The following B3GALT1 variants were observed in gnomAD, a reference collection of about 807,000 sequenced individuals.
The protein encoded by B3GALT1 is UDP-Gal:betaGlcNAc beta 1,3-galactosyltransferase, polypeptide 1.
B3GALT1 carries 10 observed loss-of-function variants against 23.2 expected under a neutral mutation model. That is an observed-to-expected ratio of 0.43 (90% CI 0.27 to 0.73). The LOEUF (loss-of-function observed/expected upper bound fraction) is 0.73. Among genes scored for constraint, B3GALT1 ranks in the 30% least tolerant of loss-of-function variants. The pLI is 0.21. For missense variants in B3GALT1, 299 were observed against 405.4 expected, an observed-to-expected ratio of 0.74 and a Z score of 2.25; for synonymous variants, 156 against 141.5, an observed-to-expected ratio of 1.10 and a Z score of -0.73.
chr2:167,813,154 A>G (rs1251192069), intron 3 of B3GALT1, among the ~76,000 whole-genome samples: 3 of 152,180 alleles, frequency 2.0e-5, no homozygotes, highest in African/African-American at 7.2e-5. Context: ...AGTTTTTTTG[A>G]ATGAAGCAAT....
intron 3 of B3GALT1, among the ~76,000 whole-genome samples, chr2:167,703,992 T>A (rs555661281): frequency 6.6e-6 from 1 of 151,872 alleles, no homozygotes; most frequent in East Asian, 1.9e-4. Flanking sequence ...CCTTCCTGGC[T>A]AACACGGTGA....
chr2:167,519,142 T>A (rs531698028), intron 2 of B3GALT1, among the ~76,000 whole-genome samples: 12 of 152,234 alleles, frequency 7.9e-5, no homozygotes, highest in African/African-American at 2.9e-4. Flanking sequence ...TTTTATATGA[T>A]GTTACATATA....
chr2:167,432,284 G>T (rs935707357), intron 1 of B3GALT1, among the ~76,000 whole-genome samples: 1 of 152,186 alleles, frequency 6.6e-6, no homozygotes, highest in South Asian at 2.1e-4. Flanking sequence ...ACCAATGGCT[G>T]TTGATCTGTA....
chr2:167,361,899 C>A (rs760141840), intron 1 of B3GALT1, among the ~76,000 whole-genome samples: 17 of 151,992 alleles, frequency 1.1e-4, no homozygotes, highest in Non-Finnish European at 1.2e-4. Context: ...CATGATGAAA[C>A]CCCATCTCTC....
chr2:167,357,687 G>T (rs1697437481), intron 1 of B3GALT1, among the ~76,000 whole-genome samples: 1 of 152,106 alleles, frequency 6.6e-6, no homozygotes, highest in South Asian at 2.1e-4. Flanking sequence ...ACACTGGCTG[G>T]TACAATATTG....
In B3GALT1 at chr2:167,871,126, GAGGA is replaced by G. The variant is rs1209942172; in HGVS notation, c.*1111_*1114del. 6.6e-6 allele frequency: 1 copy of G among 152,164 alleles called. No individual in the cohort carries two copies. The highest frequency in any genetic ancestry group is 1.5e-5 in the Non-Finnish European group (1 of 68,022). 9.4% of individuals were successfully genotyped at this position (152,164 alleles called of 1,614,324 possible). A position where few individuals can be genotyped will look rare whatever the true frequency, so the allele number is the denominator to read the frequency against. ...GAGGTATTCTGGGGGCTCTGTGATT[GAGGA>G]AGGATGGGGAAGGCCAGGTTCGGGT... On this transcript the variant is annotated 3_prime_UTR_variant, in exon 5 of 5. Coordinates refer to ENST00000392690, the MANE Select transcript of B3GALT1 (RefSeq NM_020981.4).
At chr2:167,554,618 G>T (rs1351365124) in intron 2 of B3GALT1, among the ~76,000 whole-genome samples, 1 of 152,090 alleles carries the variant, frequency 6.6e-6, no homozygotes, top group Non-Finnish European at 1.5e-5. Flanking sequence ...TATGCAATAA[G>T]AGTAAAGACT....
At chr2:167,516,230 C>CA (rs1375432216) in intron 2 of B3GALT1, among the ~76,000 whole-genome samples, 1 of 152,014 alleles carries the variant, frequency 6.6e-6, no homozygotes, top group Non-Finnish European at 1.5e-5. Flanking sequence ...TGCTTTCTAT[C>CA]AGGCCCTTGT....
chr2:167,295,768 C>T (rs905336598), intron 1 of B3GALT1, among the ~76,000 whole-genome samples: 2 of 143,338 alleles, frequency 1.4e-5, no homozygotes, highest in Admixed American at 7.0e-5. Context: ...TGTGTGTGTA[C>T]GTGTGTGTGT....
chr2:167,483,827 T>C (rs1699589551), intron 1 of B3GALT1, among the ~76,000 whole-genome samples: 1 of 152,212 alleles, frequency 6.6e-6, no homozygotes, highest in Admixed American at 6.5e-5. Context: ...ATACCTGGTG[T>C]TCTTTTGGTT....
In B3GALT1 at chr2:167,817,081, T is replaced by C. The variant is rs936977423; in HGVS notation, c.-351-1591T>C. 1.3e-5 allele frequency among the ~76,000 whole-genome samples: 2 copies of C among 152,186 alleles called. 1 individual carries two copies. The highest frequency in any genetic ancestry group is 6.3e-3 in the Middle Eastern group (2 of 316). On this transcript the variant is annotated intron_variant, in intron 3 of 4. Transcript: ENST00000392690. ...CGTGCTCTCCTTTAAAGTTCTGAAA[T>C]TTGTCTTCAATTGAACAAATGACAA...
At chr2:167,467,685 CA>C (rs931221661) in intron 1 of B3GALT1, among the ~76,000 whole-genome samples, 8 of 152,062 alleles carry the variant, frequency 5.3e-5, no homozygotes, top group Non-Finnish European at 1.2e-4. Context: ...TTTTGTTTGT[CA>C]AAAATACTTG....
intron 2 of B3GALT1, among the ~76,000 whole-genome samples, chr2:167,534,740 G>A (rs1359808070): frequency 6.6e-6 from 1 of 152,094 alleles, no homozygotes; most frequent in Non-Finnish European, 1.5e-5. Context: ...TTTATATGAG[G>A]GGAGGGCACA....
chr2:167,701,205 GTGTC>G (rs1305701303), intron 3 of B3GALT1, among the ~76,000 whole-genome samples: 2 of 152,132 alleles, frequency 1.3e-5, no homozygotes, highest in Non-Finnish European at 2.9e-5. Flanking sequence ...AAATGCAGAA[GTGTC>G]TGGAAGCTGT....
chr2:167,341,323 T>G (rs1230383481), intron 1 of B3GALT1, among the ~76,000 whole-genome samples: 2 of 152,176 alleles, frequency 1.3e-5, no homozygotes, highest in Non-Finnish European at 2.9e-5. Flanking sequence ...AAATATTTGT[T>G]TGCCATTTAT....
intron 1 of B3GALT1, 21 bp from the exon 2 acceptor site, chr2:167,490,156 T>G (rs1404012292): frequency 1.3e-5 from 2 of 152,200 alleles, no homozygotes; most frequent in Non-Finnish European, 2.9e-5. Context: ...AAGTTACTCA[T>G]ATATTTTTCT....
rs549083631 is a variant in B3GALT1, at chr2:167,386,211, C to T, written c.-511+92877C>T. Among the ~76,000 whole-genome samples, 17 of 152,134 alleles carry T rather than the reference C, an allele frequency of 1.1e-4. No homozygotes were observed. In the South Asian group the frequency reaches 3.3e-3, roughly 30 times the overall value. On this transcript the variant is annotated intron_variant, in intron 1 of 4. Coordinates refer to ENST00000392690, the MANE Select transcript of B3GALT1 (RefSeq NM_020981.4). The stretch of plus-strand genomic sequence containing the variant: ...TTTCCTCAGTAGCACTAATGAAGTT[C>T]AGCTATGGTTTGAAACTGCTCTGGG...
chr2:167,412,720 G>C (rs1698410420), intron 1 of B3GALT1, among the ~76,000 whole-genome samples: 1 of 152,002 alleles, frequency 6.6e-6, no homozygotes, highest in African/African-American at 2.4e-5. Flanking sequence ...GTATGACCCA[G>C]AAATTACACA....
intron 1 of B3GALT1, among the ~76,000 whole-genome samples, chr2:167,383,083 T>C (rs1166356381): frequency 1.3e-5 from 2 of 152,176 alleles, no homozygotes; most frequent in African/African-American, 2.4e-5. Flanking sequence ...CTACACATTA[T>C]ATATGTGTAA....
Sources: gnomAD v4.1 joint callset for allele counts (sites outside exome capture counted in the v4.1 genomes callset) on GRCh38, gnomAD v4.1.1 for gene constraint, MANE v1.5 for transcripts, NCBI Gene and HGNC (gene_info 2026-07-23, HGNC 2026-07-21) for gene names.